LTBP1: variants seen among roughly 807,000 people sequenced by gnomAD.
LTBP1 encodes the protein latent transforming growth factor beta binding protein 1.
LTBP1 carries 129 observed loss-of-function variants against 207.6 expected under a neutral mutation model. The ratio of observed to expected loss-of-function variants is 0.62; its 90% CI spans 0.54 to 0.72. The LOEUF (loss-of-function observed/expected upper bound fraction) is 0.72, where lower values mean the gene tolerates loss of function less well. LTBP1 is among the 30% of genes least tolerant of loss of function. LTBP1 has a pLI of 0.00. For missense variants in LTBP1, 2,281 were observed against 2,217.2 expected, an observed-to-expected ratio of 1.03 and a Z score of -0.58; for synonymous variants, 963 against 833.7, an observed-to-expected ratio of 1.16 and a Z score of -2.67.
intron 3 of LTBP1, among the ~76,000 whole-genome samples, chr2:33,051,793 C>T (rs937779256): frequency 3.3e-5 from 5 of 152,166 alleles, no homozygotes; most frequent in African/African-American, 1.2e-4. Flanking sequence ...ATGTCTGCTT[C>T]TACATCTTGC....
chr2:33,166,816 C>T (rs1333854059), intron 5 of LTBP1, among the ~76,000 whole-genome samples: 1 of 152,214 alleles, frequency 6.6e-6, no homozygotes, highest in Non-Finnish European at 1.5e-5. Context: ...CTCATCTCAT[C>T]AGTCAGTAAT....
chr2:33,017,591 A>G (rs1688562383), intron 2 of LTBP1, among the ~76,000 whole-genome samples: 1 of 152,146 alleles, frequency 6.6e-6, no homozygotes, highest in Non-Finnish European at 1.5e-5. Context: ...GATAAATGTG[A>G]TAGAAGGACA....
Position 33,368,155 on chromosome 2 carries a change from C to T in LTBP1, c.4711+2652C>T, listed in dbSNP as rs74453435. Among the ~76,000 whole-genome samples the T allele has an allele frequency of 0.013, 2,037 of 151,788 alleles. 166 individuals carry two copies. The East Asian group carries it at 0.2, about 15-fold the overall frequency. ...CTGGGAGGTGGAGGTTGCAGTGAGC[C>T]GAGATCGCGCCACTGCACTCCAGCC... is the stretch of plus-strand genomic sequence containing the variant. On this transcript the variant is annotated intron_variant, in intron 31 of 33. Coordinates refer to ENST00000404816, the MANE Select transcript of LTBP1 (RefSeq NM_206943.4).
At chr2:32,957,724 C>T (rs72789865) in intron 2 of LTBP1, among the ~76,000 whole-genome samples, 17,225 of 152,136 alleles carry the variant, frequency 0.11, 1,134 homozygotes, top group Middle Eastern at 0.16. Flanking sequence ...AGTAGACTTG[C>T]TGCATGCAAG....
Position 32,947,405 on chromosome 2 carries a change from G to A in LTBP1, c.81G>A (p.Arg27=). The change falls in exon 1 of 34, where the codon AGG becomes AGA. Residue 27 remains arginine, a synonymous_variant. Transcript: ENST00000404816. ...CCTCGGCGCACGGCCGGCTGCGGAG[G>A]ATCACCTACGTGGTGCACCCGGGCC... is the stretch of plus-strand genomic sequence containing the variant. The part of the protein sequence containing the change: ...LASSAHGRLR[R]ITYVVHPGPG... The A allele has an allele frequency of 7.0e-7, 1 of 1,419,826 alleles. No individual in the cohort carries two copies. Among genetic ancestry groups the A allele is most frequent in the Non-Finnish European group, 9.2e-7 (1 of 1,087,450 alleles). 88.0% of individuals were successfully genotyped at this position (1,419,826 alleles called of 1,614,324 possible).
chr2:33,274,764 T>C (rs2093392188), intron 16 of LTBP1, among the ~76,000 whole-genome samples: 1 of 152,180 alleles, frequency 6.6e-6, no homozygotes, highest in Non-Finnish European at 1.5e-5. Flanking sequence ...GCCTTTGAAG[T>C]GATACACAGT....
chr2:33,234,205 T>C (rs1322219834), intron 9 of LTBP1, among the ~76,000 whole-genome samples: 1 of 152,192 alleles, frequency 6.6e-6, no homozygotes, highest in Non-Finnish European at 1.5e-5. Flanking sequence ...ATCTTGTTCT[T>C]CTCTGACTTC....
At chr2:33,211,057 A>G (rs1015984839) in intron 7 of LTBP1, among the ~76,000 whole-genome samples, 1 of 152,314 alleles carries the variant, frequency 6.6e-6, no homozygotes, top group African/African-American at 2.4e-5. Flanking sequence ...ATACTTTATT[A>G]TATAATAGTC....
chr2:33,398,044 T>C (rs1444743012), intron 33 of LTBP1, among the ~76,000 whole-genome samples: 1 of 152,202 alleles, frequency 6.6e-6, no homozygotes, highest in Admixed American at 6.5e-5. Flanking sequence ...TTGACAAATC[T>C]AGCAGTTCCT....
In LTBP1 at chr2:33,273,720, G is replaced by A; in HGVS notation, c.2682G>A (p.Val894=). 1 of 1,612,052 alleles carries A rather than the reference G, an allele frequency of 6.2e-7. No individual in the cohort carries two copies. Among genetic ancestry groups the A allele is most frequent in the Non-Finnish European group, 8.5e-7 (1 of 1,178,690 alleles). The stretch of plus-strand genomic sequence containing the variant: ...CAGGACACTGCATTAACCTACCAGT[G>A]AGATATACCTGTATATGCTACGAGG... ...CGAGHCINLP[V]RYTCICYEGY... is the part of the protein sequence containing the mutation. Residue 894 remains valine, a synonymous_variant, in exon 16 of 34, where the codon GTG becomes GTA. Coordinates refer to ENST00000404816, the MANE Select transcript of LTBP1 (RefSeq NM_206943.4).
intron 2 of LTBP1, among the ~76,000 whole-genome samples, chr2:32,999,397 A>AAGTACACCTGAGTGACTTTATTAACTAC (rs1484181187): frequency 2.2e-5 from 3 of 137,560 alleles, no homozygotes; most frequent in Non-Finnish European, 3.2e-5. Context: ...CGAGGCCTAG[A>AAGTACACCTGAGTGACTTTATTAACTAC]CATGGTGTGT....
intron 24 of LTBP1, among the ~76,000 whole-genome samples, chr2:33,336,768 G>A (rs1313171842): frequency 1.3e-5 from 2 of 152,152 alleles, no homozygotes; most frequent in East Asian, 3.9e-4. Flanking sequence ...AAGAGAAGGA[G>A]ATGTTAAGAA....
At chr2:33,168,574 G>C (rs1355682165) in intron 5 of LTBP1, among the ~76,000 whole-genome samples, 1 of 152,058 alleles carries the variant, frequency 6.6e-6, no homozygotes, top group East Asian at 1.9e-4. Context: ...ATTTGGGATT[G>C]TGTACCCACC....
rs561931204 is a variant in LTBP1 at position 33,396,251 on chromosome 2, C to T, written c.4835-882C>T. Among the ~76,000 whole-genome samples the T allele has an allele frequency of 3.3e-5, 5 of 151,660 alleles. No homozygotes were observed. In the South Asian group the frequency reaches 1.0e-3, roughly 32 times the overall value. On this transcript the variant is annotated intron_variant, in intron 32 of 33. Coordinates refer to ENST00000404816, the MANE Select transcript of LTBP1 (RefSeq NM_206943.4). Reference sequence around the variant, plus strand: ...TTGTCTTTTGTTTTTTTGACAGAGTCCTGCTCTGTTGCTCAGGCTGGACAG... The same window carrying T: ...TTGTCTTTTGTTTTTTTGACAGAGTTCTGCTCTGTTGCTCAGGCTGGACAG...
intron 5 of LTBP1, among the ~76,000 whole-genome samples, chr2:33,176,906 A>G (rs962006339): frequency 6.6e-6 from 1 of 152,192 alleles, no homozygotes. Flanking sequence ...GAAGTTGATG[A>G]GGATGGCTAA....
chr2:33,267,030 G>A (rs907924743), intron 15 of LTBP1, among the ~76,000 whole-genome samples: 1 of 152,222 alleles, frequency 6.6e-6, no homozygotes, highest in African/African-American at 2.4e-5. Flanking sequence ...TGTGGTTTCT[G>A]GCATCTCCGA....
chr2:33,037,309 G>C (rs1271442431), intron 3 of LTBP1, among the ~76,000 whole-genome samples: 1 of 152,206 alleles, frequency 6.6e-6, no homozygotes, highest in Non-Finnish European at 1.5e-5. Context: ...GCTACTGAAA[G>C]TGCTGCAATT....
intron 3 of LTBP1, among the ~76,000 whole-genome samples, chr2:33,110,158 A>G (rs2080310792): frequency 6.6e-6 from 1 of 152,292 alleles, no homozygotes; most frequent in Non-Finnish European, 1.5e-5. Context: ...TGGTGCAGTC[A>G]TAGTTCACTC....
intron 4 of LTBP1, among the ~76,000 whole-genome samples, chr2:33,129,265 T>C (rs1297276423): frequency 6.6e-6 from 1 of 152,240 alleles, no homozygotes; most frequent in Non-Finnish European, 1.5e-5. Context: ...TGTCCAGGCA[T>C]ACTTCTTCAG....
Sources: gnomAD v4.1 joint callset for allele counts (sites outside exome capture counted in the v4.1 genomes callset) on GRCh38, gnomAD v4.1.1 for gene constraint, MANE v1.5 for transcripts, NCBI Gene and HGNC (gene_info 2026-07-23, HGNC 2026-07-21) for gene names.